Variants in CMTM8 observed in about 807,000 individuals in gnomAD.
CMTM8 encodes the protein CKLF-like MARVEL transmembrane domain-containing protein 8.
CMTM8 carries 12 observed loss-of-function variants against 18.6 expected under a neutral mutation model. That is an observed-to-expected ratio of 0.65 (90% CI 0.41 to 1.05). CMTM8 has a LOEUF of 1.05. Among genes scored for constraint, CMTM8 ranks in the 50% least tolerant of loss-of-function variants. The probability of loss-of-function intolerance (pLI) is 0.00; values close to 1 mark genes in which losing one functional copy is unlikely to be tolerated. For missense variants in CMTM8, 217 were observed against 227.2 expected, an observed-to-expected ratio of 0.95 and a Z score of 0.29; for synonymous variants, 87 against 90.6, an observed-to-expected ratio of 0.96 and a Z score of 0.23.
intron 1 of CMTM8, among the ~76,000 whole-genome samples, chr3:32,270,209 A>T (rs1318059327): frequency 6.6e-6 from 1 of 152,212 alleles, no homozygotes. Flanking sequence ...GATGTAAGCC[A>T]CTGTGCCTGG....
chr3:32,301,780 G>T (rs963528294), intron 1 of CMTM8, among the ~76,000 whole-genome samples: 1 of 151,996 alleles, frequency 6.6e-6, no homozygotes, highest in African/African-American at 2.4e-5. Flanking sequence ...GGGCATTGGT[G>T]TGAAAAGGCA....
intron 1 of CMTM8, among the ~76,000 whole-genome samples, chr3:32,272,336 C>G (rs1252950358): frequency 6.6e-6 from 1 of 152,086 alleles, no homozygotes; most frequent in East Asian, 1.9e-4. Flanking sequence ...ATTCTTAGAT[C>G]TAATTACTAC....
At position 32,269,974 on chromosome 3, in the gene CMTM8, A is replaced by G. The variant is rs140858798; in HGVS notation, c.147+30855A>G. Among the ~76,000 whole-genome samples the G allele has an allele frequency of 1.5e-3, 231 of 151,322 alleles. 1 individual carries two copies. The highest frequency in any genetic ancestry group is 0.01 in the Middle Eastern group (3 of 294). On this transcript the variant is annotated intron_variant, in intron 1 of 3. Coordinates refer to ENST00000307526, the MANE Select transcript of CMTM8 (RefSeq NM_178868.5). ...TTTTTTTTGAGACGGGGGTCTCACT[A>G]TGTTACCCAGGCTGGTCTCAAACTC...
intron 1 of CMTM8, chr3:32,259,441 T>C: frequency 1.2e-6 from 1 of 811,198 alleles, no homozygotes; most frequent in South Asian, 1.3e-5. Flanking sequence ...GAGTCAAGTA[T>C]GAGACAGAAC....
intron 1 of CMTM8, among the ~76,000 whole-genome samples, chr3:32,326,836 G>A (rs1696168323): frequency 6.6e-6 from 1 of 152,154 alleles, no homozygotes; most frequent in Non-Finnish European, 1.5e-5. Context: ...TTTTGAGGCA[G>A]TGAGTTCTCT....
chr3:32,328,613 T>G (rs925150078), intron 1 of CMTM8, among the ~76,000 whole-genome samples: 144 of 149,938 alleles, frequency 9.6e-4, no homozygotes, highest in Non-Finnish European at 1.5e-3. Flanking sequence ...TGACAAACCC[T>G]TAGCTCAACT....
chr3:32,277,079 G>T (rs1371017087), intron 1 of CMTM8, among the ~76,000 whole-genome samples: 1 of 151,716 alleles, frequency 6.6e-6, no homozygotes, highest in Non-Finnish European at 1.5e-5. Context: ...AGAGATTGGG[G>T]TCTCACCATG....
intron 1 of CMTM8, among the ~76,000 whole-genome samples, chr3:32,312,305 CT>C (rs1350988247): frequency 6.6e-6 from 1 of 152,134 alleles, no homozygotes; most frequent in Non-Finnish European, 1.5e-5. Flanking sequence ...TAAAAAGTTT[CT>C]TTTCTTTCTC....
chr3:32,298,890 T>C (rs1695543009), intron 1 of CMTM8, among the ~76,000 whole-genome samples: 2 of 144,780 alleles, frequency 1.4e-5, no homozygotes, highest in African/African-American at 2.5e-5. Context: ...TACATATATA[T>C]ACACACATAC....
intron 1 of CMTM8, among the ~76,000 whole-genome samples, chr3:32,326,524 T>C (rs908432649): frequency 1.8e-4 from 27 of 148,108 alleles, no homozygotes; most frequent in South Asian, 1.3e-3. Flanking sequence ...TCTTTTTTTT[T>C]TTTTTTTTTT....
At chr3:32,286,199 C>A (rs141151664) in intron 1 of CMTM8, among the ~76,000 whole-genome samples, 1 of 152,110 alleles carries the variant, frequency 6.6e-6, no homozygotes, top group Admixed American at 6.5e-5. Flanking sequence ...CAGAGACAAT[C>A]GGTACATGAA....
At chr3:32,345,716 A>G (rs967314115) in intron 1 of CMTM8, among the ~76,000 whole-genome samples, 1 of 152,258 alleles carries the variant, frequency 6.6e-6, no homozygotes, top group African/African-American at 2.4e-5. Flanking sequence ...AAAACAGAAT[A>G]AAATAAGGAT....
chr3:32,311,434 G>A (rs1284225487), intron 1 of CMTM8, among the ~76,000 whole-genome samples: 2 of 152,210 alleles, frequency 1.3e-5, no homozygotes, highest in African/African-American at 4.8e-5. Flanking sequence ...TCCTTCTGGA[G>A]GCTCTAGGAG....
rs1180078053 is a variant in CMTM8, at chr3:32,290,015, C to T, written c.147+50896C>T. ...GTGTAGTGGTGCACACCTGTAGCCC[C>T]AGCTACTTGGGAGGATCACATGAGC... On this transcript the variant is annotated intron_variant, in intron 1 of 3. Transcript: ENST00000307526. Among the ~76,000 whole-genome samples, 4 of 152,064 alleles carry T rather than the reference C, an allele frequency of 2.6e-5. No homozygotes were observed. The East Asian group carries it at 7.7e-4, about 29-fold the overall frequency.
At chr3:32,290,127 G>A (rs1336727965) in intron 1 of CMTM8, among the ~76,000 whole-genome samples, 3 of 151,830 alleles carry the variant, frequency 2.0e-5, no homozygotes, top group African/African-American at 7.3e-5. Flanking sequence ...AAAAAGAAAA[G>A]AAAAGAAAAA....
In CMTM8 at chr3:32,244,987, T is replaced by C. The variant is rs975244273; in HGVS notation, c.147+5868T>C. On this transcript the variant is annotated intron_variant, in intron 1 of 3. Transcript: ENST00000307526. ...AAAATTCCAAATGTTAATGATCACC[T>C]TAAATAACGTACTGTGTTTTATTGA... 6.6e-5 allele frequency among the ~76,000 whole-genome samples: 10 copies of C among 152,348 alleles called. No individual in the cohort carries two copies. The East Asian group carries it at 1.7e-3, about 26-fold the overall frequency.
At chr3:32,272,905 C>T (rs1702459697) in intron 1 of CMTM8, among the ~76,000 whole-genome samples, 1 of 152,078 alleles carries the variant, frequency 6.6e-6, no homozygotes, top group South Asian at 2.1e-4. Context: ...GCTTTGTCTC[C>T]CACCACCCTG....
intron 1 of CMTM8, among the ~76,000 whole-genome samples, chr3:32,302,997 C>G (rs1362532215): frequency 6.6e-6 from 1 of 152,192 alleles, no homozygotes; most frequent in Non-Finnish European, 1.5e-5. Context: ...CCAATTTCGT[C>G]TCTTTGACCC....
intron 1 of CMTM8, among the ~76,000 whole-genome samples, chr3:32,250,423 G>A (rs1232109525): frequency 6.6e-6 from 1 of 152,124 alleles, no homozygotes. Flanking sequence ...CCAAAAACCT[G>A]GCAGCTGGGA....
Sources: gnomAD v4.1 joint callset for allele counts (sites outside exome capture counted in the v4.1 genomes callset) on GRCh38, gnomAD v4.1.1 for gene constraint, MANE v1.5 for transcripts, NCBI Gene and HGNC (gene_info 2026-07-23, HGNC 2026-07-21) for gene names.